RPRD2: variants seen among roughly 807,000 people sequenced by gnomAD.
RPRD2 encodes the protein regulation of nuclear pre-mRNA domain containing 2.
A neutral mutation model predicts 104.4 loss-of-function variants in RPRD2; 12 were observed. The ratio of observed to expected loss-of-function variants is 0.11; its 90% CI spans 0.07 to 0.19. The LOEUF (loss-of-function observed/expected upper bound fraction) is 0.19, where lower values mean the gene tolerates loss of function less well. RPRD2 is among the 10% of genes least tolerant of loss of function. The pLI is 1.00. For synonymous variants in RPRD2, 714 were observed against 684.9 expected (o/e 1.04, Z -0.66); for missense variants, 1,543 against 1,790.1 (o/e 0.86, Z 2.49).
chr1:150,432,595 T>C (rs2102326298), intron 2 of RPRD2, among the ~76,000 whole-genome samples: 1 of 149,032 alleles, frequency 6.7e-6, no homozygotes, highest in Admixed American at 6.8e-5. Flanking sequence ...GCACACTTTA[T>C]GTTACATATA....
chr1:150,448,649 T>C (rs1157829992), intron 7 of RPRD2, among the ~76,000 whole-genome samples: 6 of 152,244 alleles, frequency 3.9e-5, no homozygotes, highest in African/African-American at 9.6e-5. Context: ...ACTAGAAGTT[T>C]TGTTTTTTCC....
intron 1 of RPRD2, among the ~76,000 whole-genome samples, chr1:150,386,336 G>A (rs1186812027): frequency 6.6e-6 from 1 of 152,142 alleles, no homozygotes; most frequent in Non-Finnish European, 1.5e-5. Flanking sequence ...TGTAATGCCG[G>A]CATTTTGGGA....
chr1:150,431,497 T>TTTTTTTTTAG (rs1665583347), intron 2 of RPRD2, among the ~76,000 whole-genome samples: 1 of 94,588 alleles, frequency 1.1e-5, no homozygotes, highest in Non-Finnish European at 2.2e-5. Flanking sequence ...TTTTTTTTTT[T>TTTTTTTTTAG]GAGACGGGGT....
intron 7 of RPRD2, among the ~76,000 whole-genome samples, chr1:150,452,870 A>G (rs1334155042): frequency 6.6e-6 from 1 of 151,614 alleles, no homozygotes; most frequent in Admixed American, 6.6e-5. Context: ...GGGTTTCACC[A>G]TGTTGGCCAG....
chr1:150,452,871 T>G (rs1553896931), intron 7 of RPRD2, among the ~76,000 whole-genome samples: 2 of 151,888 alleles, frequency 1.3e-5, no homozygotes, highest in African/African-American at 4.8e-5. Flanking sequence ...GGTTTCACCA[T>G]GTTGGCCAGG....
intron 1 of RPRD2, among the ~76,000 whole-genome samples, chr1:150,395,180 A>G (rs1553883929): frequency 6.6e-6 from 1 of 152,148 alleles, no homozygotes; most frequent in African/African-American, 2.4e-5. Context: ...CTGAGTCCCC[A>G]AAGTCCACTG....
intron 2 of RPRD2, among the ~76,000 whole-genome samples, chr1:150,425,914 C>A (rs781933864): frequency 1.4e-4 from 21 of 151,864 alleles, no homozygotes; most frequent in Non-Finnish European, 2.8e-4. Context: ...AGTGTGAGAC[C>A]ACCCTGGGCA....
chr1:150,432,588 C>T (rs1665679899), intron 2 of RPRD2, among the ~76,000 whole-genome samples: 1 of 139,986 alleles, frequency 7.1e-6, no homozygotes, highest in Admixed American at 7.5e-5. Context: ...TGAAATGGCA[C>T]ACTTTATGTT....
intron 1 of RPRD2, among the ~76,000 whole-genome samples, chr1:150,400,339 A>G (rs77624686): frequency 0.014 from 2,142 of 152,232 alleles, 47 homozygotes; most frequent in African/African-American, 0.048. Flanking sequence ...TTTCTAATCT[A>G]TATACCTTTT....
At chr1:150,410,685 G>T (rs1553887459) in intron 1 of RPRD2, among the ~76,000 whole-genome samples, 1 of 152,080 alleles carries the variant, frequency 6.6e-6, no homozygotes, top group Admixed American at 6.6e-5. Context: ...CAGACATGCT[G>T]CCCTATTTAG....
At chr1:150,415,636 G>A (rs587660280) in intron 1 of RPRD2, among the ~76,000 whole-genome samples, 13 of 152,178 alleles carry the variant, frequency 8.5e-5, no homozygotes, top group African/African-American at 2.2e-4. Context: ...AACTGTGATC[G>A]CACCACTGCA....
At chr1:150,372,915 G>C (rs1351227995) in intron 1 of RPRD2, among the ~76,000 whole-genome samples, 1 of 152,024 alleles carries the variant, frequency 6.6e-6, no homozygotes, top group Non-Finnish European at 1.5e-5. Flanking sequence ...GGGGAGGGGT[G>C]AAATGGGATT....
intron 8 of RPRD2, 93 bp from the exon 9 acceptor site, chr1:150,459,967 C>G (rs959826413): frequency 1.5e-5 from 18 of 1,212,600 alleles, no homozygotes; most frequent in Non-Finnish European, 2.1e-5. Flanking sequence ...GCCTTTTCCC[C>G]CAAGTCCGGA....
At chr1:150,380,599 C>T (rs976842669) in intron 1 of RPRD2, among the ~76,000 whole-genome samples, 76 of 152,264 alleles carry the variant, frequency 5.0e-4, no homozygotes, top group African/African-American at 1.8e-3. Context: ...CCACCTGCCT[C>T]AGCCTCCCAA....
At chr1:150,408,220 A>C (rs1261197304) in intron 1 of RPRD2, among the ~76,000 whole-genome samples, 1 of 127,828 alleles carries the variant, frequency 7.8e-6, no homozygotes, top group Non-Finnish European at 1.5e-5. Context: ...GCTGGAGTGC[A>C]ATGGCGCAAT....
intron 2 of RPRD2, among the ~76,000 whole-genome samples, chr1:150,431,561 A>G (rs1296809563): frequency 2.1e-5 from 3 of 142,500 alleles, no homozygotes; most frequent in East Asian, 2.2e-4. Flanking sequence ...GCTCGCTGCA[A>G]CTTCCGCTTC....
chr1:150,388,822 G>A (rs1661839793), intron 1 of RPRD2, among the ~76,000 whole-genome samples: 1 of 151,892 alleles, frequency 6.6e-6, no homozygotes, highest in South Asian at 2.1e-4. Flanking sequence ...GGCCAGGCTG[G>A]TCTTGAACCC....
intron 1 of RPRD2, among the ~76,000 whole-genome samples, chr1:150,394,136 C>T (rs1318955962): frequency 6.6e-6 from 1 of 151,324 alleles, no homozygotes; most frequent in Admixed American, 6.6e-5. Flanking sequence ...CTGCAACCTC[C>T]GCCTCCTGGG....
intron 1 of RPRD2, among the ~76,000 whole-genome samples, chr1:150,403,961 G>A (rs1474561294): frequency 1.3e-5 from 2 of 152,008 alleles, no homozygotes; most frequent in East Asian, 3.9e-4. Context: ...TTTTCTTAAA[G>A]CTTACTGTAG....
Sources: gnomAD v4.1 joint callset for allele counts (sites outside exome capture counted in the v4.1 genomes callset) on GRCh38, gnomAD v4.1.1 for gene constraint, MANE v1.5 for transcripts, NCBI Gene and HGNC (gene_info 2026-07-23, HGNC 2026-07-21) for gene names.